FAR1: variants seen among roughly 807,000 people sequenced by gnomAD.
The protein encoded by FAR1 is fatty acyl-CoA reductase 1, also known as male sterility domain-containing protein 2.
In FAR1, 22 loss-of-function variants were observed where a neutral mutation model predicts 61.1. That is an observed-to-expected ratio of 0.36 (90% CI 0.26 to 0.51). The LOEUF is 0.51. Ranked by LOEUF, FAR1 falls within the 20% of genes least tolerant of loss-of-function variation. The pLI, the probability that FAR1 is intolerant of heterozygous loss-of-function variation, is 0.95. For missense variants in FAR1, 359 were observed against 626.9 expected, an observed-to-expected ratio of 0.57 and a Z score of 4.56; for synonymous variants, 206 against 209.7, an observed-to-expected ratio of 0.98 and a Z score of 0.15.
intron 1 of FAR1, chr11:13,686,642 C>T (rs891104888): frequency 6.6e-6 from 1 of 152,200 alleles, no homozygotes; most frequent in Non-Finnish European, 1.5e-5. Flanking sequence ...TGATAATTCA[C>T]TATCTTCGGA....
At chr11:13,723,301 G>T in intron 10 of FAR1, 1 of 357,952 alleles carries the variant, frequency 2.8e-6, no homozygotes, top group Admixed American at 4.0e-5. Context: ...GGAGGTCAAG[G>T]CTGCAGTGAG....
intron 1 of FAR1, among the ~76,000 whole-genome samples, chr11:13,673,688 A>G (rs1848035104): frequency 6.6e-6 from 1 of 152,194 alleles, no homozygotes; most frequent in South Asian, 2.1e-4. Context: ...AGGATACCTT[A>G]TATTTTCTTG....
At chr11:13,709,179 G>A (rs1415249453) in intron 4 of FAR1, among the ~76,000 whole-genome samples, 1 of 151,858 alleles carries the variant, frequency 6.6e-6, no homozygotes, top group Admixed American at 6.6e-5. Context: ...GTTAACATCT[G>A]CTGCTTTCTC....
intron 1 of FAR1, among the ~76,000 whole-genome samples, chr11:13,679,001 A>C (rs1848097701): frequency 6.6e-6 from 1 of 152,196 alleles, no homozygotes; most frequent in African/African-American, 2.4e-5. Context: ...GTATATATGT[A>C]GTGTTCAGGG....
chr11:13,721,944 C>A lies in FAR1; in HGVS notation c.1257+85C>A. On this transcript the variant is annotated intron_variant, in intron 10 of 11. Transcript: ENST00000354817. This position sits in a 1 kb window ranked among gnomAD's most constrained non-coding sequence, Gnocchi z 4.2. ...TTAGCAACCTGAGAAATATTTTCCA[C>A]AGCTATTATGCAACAAGTAAGCCAT... 8.9e-7 allele frequency: 1 copy of A among 1,126,726 alleles called. No homozygotes were observed. Among genetic ancestry groups the A allele is most frequent in the Non-Finnish European group, 1.2e-6 (1 of 801,290 alleles). The allele number at this position is 1,126,726 out of a possible 1,614,324, so 69.8% of individuals were successfully genotyped here.
chr11:13,707,159 G>C (rs1848441097), intron 3 of FAR1, among the ~76,000 whole-genome samples: 1 of 151,862 alleles, frequency 6.6e-6, no homozygotes, highest in South Asian at 2.1e-4. Flanking sequence ...GTGAATATTT[G>C]GGCTCTCTAG....
At chr11:13,680,645 A>G in intron 1 of FAR1, among the ~76,000 whole-genome samples, 1 of 152,124 alleles carries the variant, frequency 6.6e-6, no homozygotes, top group East Asian at 1.9e-4. Flanking sequence ...AAGAGCTGCC[A>G]GTCTCTTTTC....
At chr11:13,717,085 A>G (rs1848564954) in intron 9 of FAR1, among the ~76,000 whole-genome samples, 1 of 151,774 alleles carries the variant, frequency 6.6e-6, no homozygotes, top group Non-Finnish European at 1.5e-5. Context: ...CCTTCTGGCC[A>G]AAACAATTCA....
intron 1 of FAR1, among the ~76,000 whole-genome samples, chr11:13,677,238 A>C (rs549791439): frequency 3.6e-4 from 55 of 152,206 alleles, no homozygotes; most frequent in Non-Finnish European, 7.2e-4. Context: ...ATAATAACCC[A>C]TAGTTACAAG....
chr11:13,672,113 G>A (rs963044276), intron 1 of FAR1, among the ~76,000 whole-genome samples: 3 of 151,990 alleles, frequency 2.0e-5, no homozygotes, highest in African/African-American at 7.3e-5. Flanking sequence ...CAAGAAAGCT[G>A]GAATGAAGAT....
chr11:13,717,954 G>A (rs886793583), intron 9 of FAR1, among the ~76,000 whole-genome samples: 8 of 151,824 alleles, frequency 5.3e-5, no homozygotes, highest in Non-Finnish European at 7.4e-5. Context: ...GTGAGTTTCC[G>A]GTGTATCTGT....
intron 3 of FAR1, among the ~76,000 whole-genome samples, chr11:13,706,223 T>C (rs1264479530): frequency 6.6e-6 from 1 of 152,194 alleles, no homozygotes; most frequent in Non-Finnish European, 1.5e-5. Flanking sequence ...TTCCATCATG[T>C]TGACATACCA....
chr11:13,706,015 A>C (rs944753583), intron 3 of FAR1, among the ~76,000 whole-genome samples: 1 of 152,212 alleles, frequency 6.6e-6, no homozygotes, highest in Non-Finnish European at 1.5e-5. Context: ...CTTTTAAAAC[A>C]ATAGTTGGAT....
At chr11:13,715,191 G>A (rs1202167507) in intron 9 of FAR1, among the ~76,000 whole-genome samples, 4 of 152,128 alleles carry the variant, frequency 2.6e-5, no homozygotes, top group East Asian at 1.9e-4. Flanking sequence ...TAAGGTGGTG[G>A]CAGCTTGCTG....
At chr11:13,703,176 T>TTGTTTC (rs1848395895) in intron 3 of FAR1, among the ~76,000 whole-genome samples, 2 of 152,088 alleles carry the variant, frequency 1.3e-5, no homozygotes, top group South Asian at 4.1e-4. Context: ...CTGTTTGTTT[T>TTGTTTC]TGTTTTTGTT....
intron 3 of FAR1, among the ~76,000 whole-genome samples, chr11:13,704,044 C>CAAAAAA (rs55995847): frequency 1.3e-5 from 1 of 79,642 alleles, no homozygotes; most frequent in Admixed American, 1.4e-4. Context: ...AACTCCGTCT[C>CAAAAAA]AAAAAAAAAA....
chr11:13,676,986 T>C (rs774576933), intron 1 of FAR1, among the ~76,000 whole-genome samples: 13 of 152,368 alleles, frequency 8.5e-5, no homozygotes, highest in Non-Finnish European at 1.3e-4. Flanking sequence ...AGAGGTTGAC[T>C]TGCCTAAGGT....
chr11:13,695,044 C>T (rs1848293819), intron 2 of FAR1, 90 bp downstream of exon 2: 1 of 1,053,976 alleles, frequency 9.5e-7, no homozygotes, highest in Non-Finnish European at 1.3e-6. Context: ...TGGTATATTT[C>T]TTCAGTATTC....
In FAR1 at chr11:13,731,939, G is replaced by A. The variant is rs1565356297; in HGVS notation, c.*3165G>A. 6.6e-6 allele frequency: 1 copy of A among 152,198 alleles called. No homozygotes were observed. Among genetic ancestry groups the A allele is most frequent in the East Asian group, 1.9e-4 (1 of 5,182 alleles). The allele number at this position is 152,198 out of a possible 1,614,324, so 9.4% of individuals were successfully genotyped here. ...TGGATGGGGGAGAGCATCAGGCTGG[G>A]GTCAGGTAAGTGTAAATGGCCTTCT... On this transcript the variant is annotated 3_prime_UTR_variant, in exon 12 of 12. Coordinates refer to ENST00000354817, the MANE Select transcript of FAR1 (RefSeq NM_032228.6).
Sources: gnomAD v4.1 joint callset for allele counts (sites outside exome capture counted in the v4.1 genomes callset) on GRCh38, gnomAD v4.1.1 for gene constraint, Gnocchi (gnomAD v3.1) non-coding constraint, MANE v1.5 for transcripts, NCBI Gene and HGNC (gene_info 2026-07-23, HGNC 2026-07-21) for gene names.